Variants in SPTLC2 observed in about 807,000 individuals in gnomAD.
The protein encoded by SPTLC2 is serine palmitoyltransferase long chain base subunit 2, also known as serine palmitoyltransferase 2.
Under a neutral mutation model 62.0 loss-of-function variants are expected in SPTLC2, and 21 were observed. The ratio of observed to expected loss-of-function variants is 0.34; its 90% CI spans 0.24 to 0.49. SPTLC2 has a LOEUF of 0.49. Among genes scored for constraint, SPTLC2 ranks in the 20% least tolerant of loss-of-function variants. The pLI is 0.99. For synonymous variants in SPTLC2, 261 were observed against 261.8 expected (o/e 1.00, Z 0.03); for missense variants, 511 against 713.0 (o/e 0.72, Z 3.23).
intron 7 of SPTLC2, among the ~76,000 whole-genome samples, chr14:77,556,495 T>A (rs554663785): frequency 3.4e-4 from 43 of 125,142 alleles, no homozygotes; most frequent in East Asian, 2.3e-3. Context: ...ACAAAAAAAA[T>A]TAGGTGGTAA....
At chr14:77,594,743 A>T (rs1411038820) in intron 2 of SPTLC2, among the ~76,000 whole-genome samples, 1 of 152,226 alleles carries the variant, frequency 6.6e-6, no homozygotes, top group African/African-American at 2.4e-5. Context: ...TCATCCAGGA[A>T]TGTGCTGTCT....
intron 1 of SPTLC2, among the ~76,000 whole-genome samples, chr14:77,597,759 G>A (rs776870885): frequency 9.3e-4 from 136 of 145,960 alleles, no homozygotes; most frequent in Non-Finnish European, 1.8e-3. Context: ...GGGTGACAGA[G>A]CAAGACTCCG....
intron 9 of SPTLC2, among the ~76,000 whole-genome samples, chr14:77,532,813 AAAT>A (rs879695865): frequency 0.033 from 3,631 of 110,204 alleles, 63 homozygotes; most frequent in Non-Finnish European, 0.053. Context: ...AAAAATAAAT[AAAT>A]AAATAAAATA....
Position 77,580,115 on chromosome 14 carries a change from A to G in SPTLC2, c.328-1006T>C, listed in dbSNP as rs555746069. Among the ~76,000 whole-genome samples, 18 of 152,322 alleles carry G rather than the reference A, an allele frequency of 1.2e-4. No individual in the cohort carries two copies. In the South Asian group the frequency reaches 3.5e-3, roughly 30 times the overall value. ...CCAAAATTAAGATTCCATCCTTTGC[A>G]TATTTTCAAGGATCAAAATGAAACA... On this transcript the variant is annotated intron_variant, in intron 2 of 11. Transcript: ENST00000216484.
Position 77,531,700 on chromosome 14 carries a change from C to T in SPTLC2, c.1304-10119G>A, listed in dbSNP as rs1202427593. On this transcript the variant is annotated intron_variant, in intron 9 of 11. Transcript: ENST00000216484. ...GCTAATTTTGTATTTTTAGTAGAGA[C>T]AGGGTTTCTCCATGTTGGTCAGGCT... Among the ~76,000 whole-genome samples the T allele has an allele frequency of 2.0e-5, 3 of 151,954 alleles. No homozygotes were observed. In the East Asian group the frequency reaches 5.8e-4, roughly 29 times the overall value.
At chr14:77,600,192 C>A (rs916117539) in intron 1 of SPTLC2, among the ~76,000 whole-genome samples, 1 of 152,124 alleles carries the variant, frequency 6.6e-6, no homozygotes, top group African/African-American at 2.4e-5. Context: ...GATGCTAAAC[C>A]ATTATGAAGA....
At chr14:77,525,814 T>C (rs1052044927) in intron 9 of SPTLC2, among the ~76,000 whole-genome samples, 11 of 152,138 alleles carry the variant, frequency 7.2e-5, no homozygotes, top group African/African-American at 2.7e-4. Flanking sequence ...CCTGGGAGGC[T>C]GAGGCGAGAG....
At chr14:77,584,067 C>G (rs965308778) in intron 2 of SPTLC2, among the ~76,000 whole-genome samples, 1 of 152,142 alleles carries the variant, frequency 6.6e-6, no homozygotes, top group African/African-American at 2.4e-5. Context: ...GGATTTGCTG[C>G]TTAGAGATCA....
intron 10 of SPTLC2, among the ~76,000 whole-genome samples, chr14:77,518,617 C>G (rs2079370768): frequency 6.8e-6 from 1 of 147,426 alleles, no homozygotes; most frequent in South Asian, 2.1e-4. Context: ...AAAAGTGTCC[C>G]TGATATGTAA....
intron 6 of SPTLC2, among the ~76,000 whole-genome samples, chr14:77,557,942 T>G (rs1321585040): frequency 6.6e-6 from 1 of 152,152 alleles, no homozygotes; most frequent in Non-Finnish European, 1.5e-5. Context: ...GATTTCATAC[T>G]TAAAATACCT....
chr14:77,588,231 C>T (rs2079793703), intron 2 of SPTLC2, among the ~76,000 whole-genome samples: 2 of 152,096 alleles, frequency 1.3e-5, no homozygotes, highest in African/African-American at 4.8e-5. Flanking sequence ...AGCCACCACA[C>T]CCAGCTGGAA....
In SPTLC2 at chr14:77,579,125, G is replaced by A. The variant is rs1486283662; in HGVS notation, c.328-16C>T. 3.1e-6 allele frequency: 5 copies of A among 1,613,510 alleles called. No individual in the cohort carries two copies. The highest frequency in any genetic ancestry group is 4.2e-6 in the Non-Finnish European group (5 of 1,179,780). On this transcript the variant is annotated splice_polypyrimidine_tract_variant and intron_variant, in intron 2 of 11. Coordinates refer to ENST00000216484, the MANE Select transcript of SPTLC2 (RefSeq NM_004863.4). Reference sequence around the variant, plus strand: ...ACACAAAGTCCTGCCAAGAAATGGTGACATACCATAAATTTAACTGAGTTA... The same window carrying A: ...ACACAAAGTCCTGCCAAGAAATGGTAACATACCATAAATTTAACTGAGTTA...
chr14:77,549,518 C>T lies in SPTLC2; in HGVS notation c.1303+2578G>A, dbSNP rs111817987. ...GAGCCTGGCTCCAAGTCACTCCAGC[C>T]CAGGTGACATGTGAGTGGAAAAGCT... On this transcript the variant is annotated intron_variant, in intron 9 of 11. Coordinates refer to ENST00000216484, the MANE Select transcript of SPTLC2 (RefSeq NM_004863.4). Among the ~76,000 whole-genome samples the T allele has an allele frequency of 7.5e-3, 1,141 of 152,232 alleles. 20 individuals are homozygous for T. The highest frequency in any genetic ancestry group is 0.026 in the African/African-American group (1,088 of 41,536).
chr14:77,608,332 A>G (rs1244649079), intron 1 of SPTLC2, among the ~76,000 whole-genome samples: 1 of 152,194 alleles, frequency 6.6e-6, no homozygotes, highest in South Asian at 2.1e-4. Context: ...TGTCTGTAAC[A>G]TTATTTTAGG....
At chr14:77,568,334 T>A (rs1270258536) in intron 5 of SPTLC2, among the ~76,000 whole-genome samples, 1 of 152,220 alleles carries the variant, frequency 6.6e-6, no homozygotes, top group Non-Finnish European at 1.5e-5. Flanking sequence ...TGAATAATTT[T>A]AATACTTTCA....
rs116841250 is a variant in SPTLC2 at position 77,579,473 on chromosome 14, G to C, written c.328-364C>G. Among the ~76,000 whole-genome samples, 56 of 152,296 alleles carry C rather than the reference G, an allele frequency of 3.7e-4. 1 individual carries two copies. In the East Asian group the frequency reaches 9.6e-3, roughly 26 times the overall value. ...TTAATTAACTGCTAAATCAGGACAG[G>C]CTTGGTGGCTCACGTCTGTAATCCC... On this transcript the variant is annotated intron_variant, in intron 2 of 11. Transcript: ENST00000216484.
chr14:77,531,637 C>T (rs1028220913), intron 9 of SPTLC2, among the ~76,000 whole-genome samples: 2 of 152,074 alleles, frequency 1.3e-5, no homozygotes, highest in African/African-American at 2.4e-5. Flanking sequence ...CCTCAGCCTC[C>T]TGAGTAGCTG....
At chr14:77,556,152 G>A (rs1321457244) in intron 7 of SPTLC2, among the ~76,000 whole-genome samples, 4 of 151,744 alleles carry the variant, frequency 2.6e-5, no homozygotes, top group African/African-American at 4.8e-5. Flanking sequence ...GTGAAACCCC[G>A]TCTCTACTAA....
intron 9 of SPTLC2, among the ~76,000 whole-genome samples, chr14:77,539,980 T>C (rs1387921228): frequency 1.3e-5 from 2 of 152,028 alleles, no homozygotes; most frequent in African/African-American, 4.8e-5. Flanking sequence ...GCAGATCACC[T>C]GGGGTCGGGA....
Sources: allele counts gnomAD v4.1 joint callset (sites outside exome capture counted in the v4.1 genomes callset), GRCh38; gene constraint gnomAD v4.1.1; transcripts MANE v1.5; gene names NCBI Gene and HGNC (gene_info 2026-07-23, HGNC 2026-07-21).